The following DGKI variants were observed in gnomAD, a reference collection of about 807,000 sequenced individuals.
DGKI encodes diacylglycerol kinase iota.
DGKI carries 55 observed loss-of-function variants against 147.5 expected under a neutral mutation model. That is an observed-to-expected ratio of 0.37 (90% CI 0.30 to 0.47). The LOEUF is 0.47. Among genes scored for constraint, DGKI ranks in the 20% least tolerant of loss-of-function variants. DGKI has a pLI of 1.00. For missense variants in DGKI, 1,007 were observed against 1,323.8 expected (o/e 0.76, Z 3.71); for synonymous variants, 469 against 477.1 (o/e 0.98, Z 0.22).
At chr7:137,702,636 A>G (rs1296187654) in intron 1 of DGKI, among the ~76,000 whole-genome samples, 2 of 152,198 alleles carry the variant, frequency 1.3e-5, no homozygotes, top group African/African-American at 2.4e-5. Flanking sequence ...GCTCCATAGT[A>G]GCACTGAAAA....
At chr7:137,416,478 AC>A (rs1812364835) in intron 28 of DGKI, among the ~76,000 whole-genome samples, 1 of 152,210 alleles carries the variant, frequency 6.6e-6, no homozygotes, top group South Asian at 2.1e-4. Flanking sequence ...TTGTGTTGCC[AC>A]ATCTGAGGTG....
chr7:137,409,706 C>A (rs888886770), intron 29 of DGKI, among the ~76,000 whole-genome samples: 21 of 152,176 alleles, frequency 1.4e-4, no homozygotes, highest in Non-Finnish European at 1.8e-4. Flanking sequence ...AGCATGGGAC[C>A]TGTTCAGGGT....
At chr7:137,700,345 G>C (rs564683576) in intron 1 of DGKI, among the ~76,000 whole-genome samples, 6 of 152,318 alleles carry the variant, frequency 3.9e-5, no homozygotes, top group Non-Finnish European at 7.4e-5. Context: ...TGGTTTTGGA[G>C]AAAAGGGATG....
intron 1 of DGKI, among the ~76,000 whole-genome samples, chr7:137,814,950 G>A (rs965531237): frequency 1.1e-4 from 17 of 152,122 alleles, no homozygotes; most frequent in African/African-American, 4.1e-4. Flanking sequence ...GACATCTCCA[G>A]TTTGGATAAT....
chr7:137,513,663 T>C (rs1190376893), intron 21 of DGKI, among the ~76,000 whole-genome samples: 1 of 152,194 alleles, frequency 6.6e-6, no homozygotes, highest in African/African-American at 2.4e-5. Flanking sequence ...ACTACACACC[T>C]AGGCTATACG....
At chr7:137,399,680 C>T (rs112641596) in intron 30 of DGKI, among the ~76,000 whole-genome samples, 3,386 of 152,216 alleles carry the variant, frequency 0.022, 120 homozygotes, top group African/African-American at 0.078. Flanking sequence ...GAGGCCAAGG[C>T]GGGTGGATCA....
intron 3 of DGKI, among the ~76,000 whole-genome samples, chr7:137,664,377 C>CAAAAAAAAAAAAAAAA (rs1190186766): frequency 1.8e-5 from 1 of 56,048 alleles, no homozygotes; most frequent in African/African-American, 3.8e-5. Flanking sequence ...GACTCCATCT[C>CAAAAAAAAAAAAAAAA]AAAAAAAAAA....
intron 15 of DGKI, 87 bp downstream of exon 15, chr7:137,581,763 G>C (rs1456148251): frequency 5.3e-6 from 6 of 1,130,924 alleles, no homozygotes; most frequent in Non-Finnish European, 6.6e-6. Context: ...CTGTAAACGC[G>C]TAAGTGATAT....
intron 20 of DGKI, among the ~76,000 whole-genome samples, chr7:137,522,335 C>A (rs1404794772): frequency 6.6e-6 from 1 of 151,970 alleles, no homozygotes; most frequent in African/African-American, 2.4e-5. Context: ...GAACCACAGG[C>A]AGATATGCAC....
At chr7:137,483,440 T>A (rs899998695) in intron 23 of DGKI, among the ~76,000 whole-genome samples, 1 of 152,136 alleles carries the variant, frequency 6.6e-6, no homozygotes, top group Non-Finnish European at 1.5e-5. Flanking sequence ...ATGCTTTTTT[T>A]ATTTTAATTT....
intron 1 of DGKI, among the ~76,000 whole-genome samples, chr7:137,805,723 C>G (rs1216079984): frequency 1.3e-5 from 2 of 152,332 alleles, no homozygotes. Context: ...TGAAGGCACC[C>G]TTCATAACAT....
At chr7:137,727,750 TTGAAACCA>T (rs1462249176) in intron 1 of DGKI, among the ~76,000 whole-genome samples, 5 of 152,150 alleles carry the variant, frequency 3.3e-5, no homozygotes, top group Admixed American at 2.0e-4. Flanking sequence ...ATAAAATAAT[TTGAAACCA>T]TGAGAAAAAC....
chr7:137,463,806 C>A (rs1204081831), intron 26 of DGKI, among the ~76,000 whole-genome samples, 195 bp from the exon 27 acceptor site: 3 of 152,166 alleles, frequency 2.0e-5, no homozygotes, highest in Non-Finnish European at 4.4e-5. Context: ...ATGATTCTGT[C>A]CCCTTCACAG....
At chr7:137,529,226 A>C (rs1169933951) in intron 20 of DGKI, among the ~76,000 whole-genome samples, 1 of 152,188 alleles carries the variant, frequency 6.6e-6, no homozygotes, top group Non-Finnish European at 1.5e-5. Flanking sequence ...TAATGGGTAC[A>C]ACATATGCTA....
Position 137,427,142 on chromosome 7 carries a change from A to T in DGKI, c.2762-14935T>A, listed in dbSNP as rs1359299113. ...ACACCTATTCCAAAATTGACCACATAGTTGGAAGTAAAGCTCTCCTCAGCA... is the reference window on the plus strand; with the variant it reads ...ACACCTATTCCAAAATTGACCACATTGTTGGAAGTAAAGCTCTCCTCAGCA... On this transcript the variant is annotated intron_variant, in intron 28 of 32. Transcript: ENST00000614521. Among the ~76,000 whole-genome samples the T allele has an allele frequency of 2.6e-4, 39 of 152,224 alleles. 2 individuals are homozygous for T. In the South Asian group the frequency reaches 7.5e-3, roughly 29 times the overall value.
intron 21 of DGKI, among the ~76,000 whole-genome samples, chr7:137,519,219 T>G (rs1027406249): frequency 6.6e-6 from 1 of 152,116 alleles, no homozygotes. Flanking sequence ...GTCCTCTTTC[T>G]CTGTGCTAAA....
chr7:137,710,610 A>G (rs570536683), intron 1 of DGKI, among the ~76,000 whole-genome samples: 1 of 152,288 alleles, frequency 6.6e-6, no homozygotes, highest in East Asian at 1.9e-4. Flanking sequence ...CTCGAAGCAT[A>G]TATACATTTG....
intron 1 of DGKI, among the ~76,000 whole-genome samples, chr7:137,787,927 A>C (rs568846931): frequency 6.6e-6 from 1 of 152,110 alleles, no homozygotes; most frequent in South Asian, 2.1e-4. Context: ...AAGACTACAC[A>C]TTGGGTACAG....
At chr7:137,708,204 C>A (rs1794101178) in intron 1 of DGKI, among the ~76,000 whole-genome samples, 1 of 152,210 alleles carries the variant, frequency 6.6e-6, no homozygotes, top group South Asian at 2.1e-4. Context: ...GATTAAAATA[C>A]CTGTAGTGTC....
Sources: gnomAD v4.1 joint callset for allele counts (sites outside exome capture counted in the v4.1 genomes callset) on GRCh38, gnomAD v4.1.1 for gene constraint, MANE v1.5 for transcripts, NCBI Gene and HGNC (gene_info 2026-07-23, HGNC 2026-07-21) for gene names.